FGF14: variants seen among roughly 807,000 people sequenced by gnomAD.
FGF14 encodes fibroblast growth factor homologous factor 4.
FGF14 carries 5 observed loss-of-function variants against 25.5 expected under a neutral mutation model. The ratio of observed to expected loss-of-function variants is 0.20; its 90% CI spans 0.10 to 0.41. FGF14 has a LOEUF of 0.41. Ranked by LOEUF, FGF14 falls within the 10% of genes least tolerant of loss-of-function variation. The pLI is 1.00. For synonymous variants in FGF14, 138 were observed against 118.3 expected (o/e 1.17, Z -1.08); for missense variants, 222 against 320.1 (o/e 0.69, Z 2.34).
chr13:101,721,352 GT>G lies in FGF14; in HGVS notation c.*1478del, dbSNP rs550137543. ...TCTTCCCTAAGCTCAAACAAACAGTGTTAAACTAAAAAGGAAATTAAGAATG... is the reference window on the plus strand; with the variant it reads ...TCTTCCCTAAGCTCAAACAAACAGTGTAAACTAAAAAGGAAATTAAGAATG... On this transcript the variant is annotated 3_prime_UTR_variant, in exon 5 of 5. Coordinates refer to ENST00000376143, the MANE Select transcript of FGF14 (RefSeq NM_004115.4). 2 of 151,954 alleles carry G rather than the reference GT, an allele frequency of 1.3e-5. No homozygotes were observed. Among genetic ancestry groups the G allele is most frequent in the Non-Finnish European group, 2.9e-5 (2 of 67,990 alleles). 9.4% of individuals were successfully genotyped at this position (151,954 alleles called of 1,614,324 possible). A position where few individuals can be genotyped will look rare whatever the true frequency, so the allele number is the denominator to read the frequency against.
At chr13:102,074,818 A>C (rs1168104564) in intron 1 of FGF14, among the ~76,000 whole-genome samples, 2 of 152,266 alleles carry the variant, frequency 1.3e-5, no homozygotes, top group Non-Finnish European at 2.9e-5. Flanking sequence ...GGAATGAAGG[A>C]TAAAAACCGT....
At chr13:102,331,616 T>C (rs964643973) in intron 1 of FGF14, among the ~76,000 whole-genome samples, 1 of 152,196 alleles carries the variant, frequency 6.6e-6, no homozygotes, top group African/African-American at 2.4e-5. Flanking sequence ...GATTGATTTA[T>C]AGCATTATTT....
At chr13:102,224,031 T>C (rs1365955669) in intron 1 of FGF14, among the ~76,000 whole-genome samples, 1 of 152,210 alleles carries the variant, frequency 6.6e-6, no homozygotes, top group African/African-American at 2.4e-5. Flanking sequence ...ATTATTTTTC[T>C]ATCATTTGGC....
At chr13:102,381,729 C>T (rs562569437) in intron 1 of FGF14, among the ~76,000 whole-genome samples, 1 of 152,202 alleles carries the variant, frequency 6.6e-6, no homozygotes, top group East Asian at 1.9e-4. Context: ...AGTAGGCATG[C>T]ATTGTTAGAA....
In FGF14 at chr13:102,165,584, G is replaced by A. The variant is rs1050015008; in HGVS notation, c.208+235887C>T. On this transcript the variant is annotated intron_variant, in intron 1 of 4. Coordinates refer to the FGF14 transcript ENST00000376131. ...GCAAGGACAAAAAACCAAACACCACGAATTCTCACTCATAGGTGGGAATTG... is the reference window on the plus strand; with the variant it reads ...GCAAGGACAAAAAACCAAACACCACAAATTCTCACTCATAGGTGGGAATTG... Among the ~76,000 whole-genome samples, 9 of 140,564 alleles carry A rather than the reference G, an allele frequency of 6.4e-5. No individual in the cohort carries two copies. In the East Asian group the frequency reaches 1.7e-3, roughly 27 times the overall value. 92.2% of individuals were successfully genotyped at this position (140,564 alleles called of 152,430 possible).
In FGF14 at chr13:101,720,558, G is replaced by GTGTGTA. The variant is rs2034904714; in HGVS notation, c.*2272_*2273insTACACA. The GTGTGTA allele has an allele frequency of 1.3e-5, 2 of 150,952 alleles. No homozygotes were observed. Among genetic ancestry groups the GTGTGTA allele is most frequent in the Admixed American group, 1.3e-4 (2 of 15,112 alleles). 9.4% of individuals were successfully genotyped at this position (150,952 alleles called of 1,614,324 possible). On this transcript the variant is annotated 3_prime_UTR_variant, in exon 5 of 5. Transcript: ENST00000376143. ...TGTGTGTGTGTGTGTGTGTGTGTGT[G>GTGTGTA]TGTGTGTATATGTGTGTGTTTGTGT...
intron 3 of FGF14, among the ~76,000 whole-genome samples, chr13:101,784,040 C>T (rs1416987602): frequency 1.2e-4 from 18 of 152,234 alleles, no homozygotes; most frequent in African/African-American, 2.2e-4. Flanking sequence ...TTTGTTCCAT[C>T]GGTCTGTGTG....
At chr13:102,367,669 A>G (rs2057754201) in intron 1 of FGF14, 1 of 152,240 alleles carries the variant, frequency 6.6e-6, no homozygotes, top group South Asian at 2.1e-4. Flanking sequence ...GCAAAAAAAC[A>G]GATTCTTTGG....
chr13:101,914,686 A>G (rs1436074868), intron 1 of FGF14, among the ~76,000 whole-genome samples: 1 of 152,196 alleles, frequency 6.6e-6, no homozygotes, highest in Non-Finnish European at 1.5e-5. Context: ...GGCACAAAAC[A>G]TTTATTGTTC....
chr13:102,062,782 G>T (rs2042744882), intron 1 of FGF14, among the ~76,000 whole-genome samples: 1 of 152,006 alleles, frequency 6.6e-6, no homozygotes, highest in African/African-American at 2.4e-5. Flanking sequence ...GACCATTATG[G>T]AATATACTCT....
chr13:101,822,157 T>C (rs2042185688), intron 3 of FGF14, among the ~76,000 whole-genome samples: 1 of 152,196 alleles, frequency 6.6e-6, no homozygotes, highest in Admixed American at 6.5e-5. Context: ...TTTAAGTTCC[T>C]ACTTCAAATC....
At chr13:102,131,640 C>T (rs1395126393) in intron 1 of FGF14, among the ~76,000 whole-genome samples, 4 of 152,170 alleles carry the variant, frequency 2.6e-5, no homozygotes, top group Non-Finnish European at 4.4e-5. Context: ...AATACTACAA[C>T]TCAGATTAAT....
intron 3 of FGF14, among the ~76,000 whole-genome samples, chr13:101,732,777 G>A (rs1055467196): frequency 4.6e-5 from 7 of 152,196 alleles, no homozygotes; most frequent in African/African-American, 1.7e-4. Flanking sequence ...TTATCATGAA[G>A]AAGGCTGTTA....
intron 1 of FGF14, among the ~76,000 whole-genome samples, chr13:102,125,189 T>C (rs1401094766): frequency 1.3e-5 from 2 of 152,196 alleles, no homozygotes; most frequent in Non-Finnish European, 2.9e-5. Flanking sequence ...TGCATTTCTA[T>C]TGAAAATTTA....
chr13:101,761,977 C>T (rs1039834610), intron 3 of FGF14, among the ~76,000 whole-genome samples: 4 of 152,114 alleles, frequency 2.6e-5, no homozygotes, highest in African/African-American at 9.7e-5. Flanking sequence ...TAATTCCAGC[C>T]CTTTTTGATT....
chr13:102,117,692 G>T (rs556197054), intron 1 of FGF14, among the ~76,000 whole-genome samples: 1 of 152,252 alleles, frequency 6.6e-6, no homozygotes, highest in Admixed American at 6.5e-5. Flanking sequence ...CAAAGAGAGC[G>T]GTGTTGGAAT....
chr13:102,064,588 T>G (rs16959680), intron 1 of FGF14, among the ~76,000 whole-genome samples: 6,460 of 151,972 alleles, frequency 0.043, 445 homozygotes, highest in African/African-American at 0.15. Flanking sequence ...AAATAAAAGG[T>G]AGCCTTAAAA....
intron 1 of FGF14, among the ~76,000 whole-genome samples, chr13:101,972,111 A>C (rs978703701): frequency 2.0e-5 from 3 of 152,264 alleles, no homozygotes; most frequent in African/African-American, 7.2e-5. Flanking sequence ...CACAATTTCC[A>C]GATGAATCAG....
At chr13:102,100,685 T>C (rs892185015) in intron 1 of FGF14, among the ~76,000 whole-genome samples, 2 of 152,252 alleles carry the variant, frequency 1.3e-5, no homozygotes, top group East Asian at 3.8e-4. Context: ...CATTTGTGCA[T>C]ACACAGCATG....
Sources: allele counts gnomAD v4.1 joint callset (sites outside exome capture counted in the v4.1 genomes callset), GRCh38; gene constraint gnomAD v4.1.1; transcripts MANE v1.5; gene names NCBI Gene and HGNC (gene_info 2026-07-23, HGNC 2026-07-21).